Variants in ATP8B2 observed in about 807,000 individuals in gnomAD.
The protein encoded by ATP8B2 is ATPase phospholipid transporting 8B2.
Under a neutral mutation model 133.4 loss-of-function variants are expected in ATP8B2, and 70 were observed. That is an observed-to-expected ratio of 0.52 (90% CI 0.43 to 0.64). The LOEUF (loss-of-function observed/expected upper bound fraction) is 0.64. ATP8B2 is among the 30% of genes least tolerant of loss of function. The pLI, the probability that ATP8B2 is intolerant of heterozygous loss-of-function variation, is 0.00. For synonymous variants in ATP8B2, 517 were observed against 589.5 expected, an observed-to-expected ratio of 0.88 and a Z score of 1.78; for missense variants, 1,101 against 1,535.7, an observed-to-expected ratio of 0.72 and a Z score of 4.73.
chr1:154,348,149 A>G (rs1375482383), intron 26 of ATP8B2, among the ~76,000 whole-genome samples: 1 of 152,184 alleles, frequency 6.6e-6, no homozygotes, highest in African/African-American at 2.4e-5. Flanking sequence ...ATTTGGGGAA[A>G]GGAAACAATA....
In ATP8B2 at chr1:154,338,585, G is replaced by A. The variant is rs913562426; in HGVS notation, c.1034+1041G>A. Among the ~76,000 whole-genome samples the A allele has an allele frequency of 5.3e-5, 8 of 152,204 alleles. No homozygotes were observed. The East Asian group carries it at 5.8e-4, about 11-fold the overall frequency. On this transcript the variant is annotated intron_variant, in intron 12 of 27. Transcript: ENST00000368489. The stretch of plus-strand genomic sequence containing the variant: ...TAAGGTAGGAGAATCGCTTGAAACC[G>A]GAAGGTGGAGGTAGCAGTGAGCCAA...
Position 154,350,494 on chromosome 1 carries a change from G to A in ATP8B2, c.*1376G>A, listed in dbSNP as rs1686748348. On this transcript the variant is annotated 3_prime_UTR_variant, in exon 28 of 28. Coordinates refer to ENST00000368489, the MANE Select transcript of ATP8B2 (RefSeq NM_001370597.1). The stretch of plus-strand genomic sequence containing the variant: ...TCTACACCCCAGGGCCCTGTGGTGG[G>A]GCTGCAGGGGGAAGCTGTGCACCTG... 1 of 152,378 alleles carries A rather than the reference G, an allele frequency of 6.6e-6. No individual in the cohort carries two copies. Among genetic ancestry groups the A allele is most frequent in the East Asian group, 1.9e-4 (1 of 5,188 alleles). 9.4% of individuals were successfully genotyped at this position (152,378 alleles called of 1,614,324 possible). A position where few individuals can be genotyped will look rare whatever the true frequency, so the allele number is the denominator to read the frequency against.
At chr1:154,337,996 G>T in intron 12 of ATP8B2, 1 of 265,458 alleles carries the variant, frequency 3.8e-6, no homozygotes. Flanking sequence ...GGTGGCCTCT[G>T]CCTTTAGCAG....
chr1:154,349,389 C>A lies in ATP8B2; in HGVS notation c.*271C>A, dbSNP rs531095433. 9.2e-5 allele frequency: 46 copies of A among 501,470 alleles called. No individual in the cohort carries two copies. In the South Asian group the frequency reaches 1.2e-3, roughly 13 times the overall value. The allele number at this position is 501,470 out of a possible 1,614,324, so 31.1% of individuals were successfully genotyped here. A position where few individuals can be genotyped will look rare whatever the true frequency, so the allele number is the denominator to read the frequency against. ...CCCCACTCGGGGACCAGAAGTGGAACCAAAAACAAGAAAAAACTGTGAGAG... is the reference window on the plus strand; with the variant it reads ...CCCCACTCGGGGACCAGAAGTGGAAACAAAAACAAGAAAAAACTGTGAGAG... On this transcript the variant is annotated 3_prime_UTR_variant, in exon 28 of 28. Coordinates refer to ENST00000368489, the MANE Select transcript of ATP8B2 (RefSeq NM_001370597.1).
In ATP8B2 at chr1:154,328,897, G is replaced by A. The variant is rs1570844957; in HGVS notation, c.31+725G>A. The A allele has an allele frequency of 3.1e-6, 4 of 1,272,486 alleles. No homozygotes were observed. The highest frequency in any genetic ancestry group is 4.1e-6 in the Non-Finnish European group (4 of 975,694). 78.8% of individuals were successfully genotyped at this position (1,272,486 alleles called of 1,614,324 possible). Reference sequence around the variant, plus strand: ...TGGGGCTCCCCTCTGAGCGGCTGCGGCTCCTGCACCTCCCCGGGGAGCCGC... The same window carrying A: ...TGGGGCTCCCCTCTGAGCGGCTGCGACTCCTGCACCTCCCCGGGGAGCCGC... On this transcript the variant is annotated intron_variant, in intron 2 of 27. Coordinates refer to ENST00000368489, the MANE Select transcript of ATP8B2 (RefSeq NM_001370597.1). The surrounding 1 kb of genome is among the most constrained non-coding windows in gnomAD (Gnocchi z 4.6).
Position 154,346,581 on chromosome 1 carries a change from T to C in ATP8B2, c.3025-39T>C, listed in dbSNP as rs766493815. On this transcript the variant is annotated intron_variant, in intron 25 of 27. Coordinates refer to ENST00000368489, the MANE Select transcript of ATP8B2 (RefSeq NM_001370597.1). The surrounding 1 kb of genome is among the most constrained non-coding windows in gnomAD (Gnocchi z 4.5). The stretch of plus-strand genomic sequence containing the variant: ...TTCTGTTTCTGGGGGAAGGGGCTTT[T>C]AGGGCGTGCGCCTGCCTGACTATGC... 2.3e-5 allele frequency: 37 copies of C among 1,613,406 alleles called. No individual in the cohort carries two copies. The East Asian group carries it at 3.1e-4, about 14-fold the overall frequency.
intron 13 of ATP8B2, among the ~76,000 whole-genome samples, chr1:154,342,035 G>C (rs1161454594): frequency 6.6e-6 from 1 of 152,138 alleles, no homozygotes; most frequent in Non-Finnish European, 1.5e-5. Flanking sequence ...CTGTGCTGCT[G>C]GGATGGCCTG....
rs149931261 is a variant in ATP8B2 at position 154,348,926 on chromosome 1, C to G, written c.3381C>G (p.Ser1127=). ...RRVGRTGSRR[S]GYAFSHQEGF... is the part of the protein sequence containing the mutation. ...TTGGCCGCACTGGCTCCCGGCGCTCCGGCTATGCCTTCTCCCATCAGGAGG... is the reference window on the plus strand; with the variant it reads ...TTGGCCGCACTGGCTCCCGGCGCTCGGGCTATGCCTTCTCCCATCAGGAGG... Residue 1127 remains serine (S), a synonymous_variant, in exon 28 of 28, where the codon TCC becomes TCG. Transcript: ENST00000368489. 6.2e-7 allele frequency: 1 copy of G among 1,614,080 alleles called. No homozygotes were observed. Among genetic ancestry groups the G allele is most frequent in the Admixed American group, 1.7e-5 (1 of 60,024 alleles).
At chr1:154,335,779 C>T (rs1312294650) in intron 11 of ATP8B2, among the ~76,000 whole-genome samples, 1 of 151,876 alleles carries the variant, frequency 6.6e-6, no homozygotes, top group Non-Finnish European at 1.5e-5. Context: ...GTGGCTCACG[C>T]CTGTAATCCC....
rs1421274110 is a variant in ATP8B2 at position 154,327,369 on chromosome 1, G to C, written c.-37-736G>C. ...GGAAGGCGGAAGCAGGCAGAGGCTTGTCTCACTGGTGCTCCCTAAGCCTGC... is the reference window on the plus strand; with the variant it reads ...GGAAGGCGGAAGCAGGCAGAGGCTTCTCTCACTGGTGCTCCCTAAGCCTGC... On this transcript the variant is annotated intron_variant, in intron 1 of 27. Transcript: ENST00000368489. Among the ~76,000 whole-genome samples, 3 of 142,990 alleles carry C rather than the reference G, an allele frequency of 2.1e-5. No individual in the cohort carries two copies. In the East Asian group the frequency reaches 6.8e-4, roughly 32 times the overall value. 93.8% of individuals were successfully genotyped at this position (142,990 alleles called of 152,430 possible).
At chr1:154,330,782 G>C (rs1367983846) in intron 3 of ATP8B2, 33 bp from the exon 4 acceptor site, 4 of 1,577,592 alleles carry the variant, frequency 2.5e-6, no homozygotes, top group East Asian at 4.5e-5. Flanking sequence ...TGGGACTGGA[G>C]ACTGCTCATT....
In ATP8B2 at chr1:154,345,947, G is replaced by A; in HGVS notation, c.2778+64G>A. Reference sequence around the variant, plus strand: ...GGTCACTGCTTGAAGGAGTCACATAGACGTGGTGTGTGACACTTGTGCCCA... The same window carrying A: ...GGTCACTGCTTGAAGGAGTCACATAAACGTGGTGTGTGACACTTGTGCCCA... On this transcript the variant is annotated intron_variant, in intron 24 of 27. Coordinates refer to ENST00000368489, the MANE Select transcript of ATP8B2 (RefSeq NM_001370597.1). The surrounding 1 kb of genome is among the most constrained non-coding windows in gnomAD (Gnocchi z 5.6). The A allele has an allele frequency of 7.0e-7, 1 of 1,420,316 alleles. No homozygotes were observed. The highest frequency in any genetic ancestry group is 9.9e-7 in the Non-Finnish European group (1 of 1,007,576). The allele number at this position is 1,420,316 out of a possible 1,614,324, so 88.0% of individuals were successfully genotyped here.
Position 154,340,586 on chromosome 1 carries a change from C to G in ATP8B2, c.1035-268C>G, listed in dbSNP as rs764731835. The stretch of plus-strand genomic sequence containing the variant: ...GCCTTGTCTACAGCCCCTTTTCCTC[C>G]TTTGCTGTCTGTCCTGCCCACCCAG... On this transcript the variant is annotated intron_variant, in intron 12 of 27. Transcript: ENST00000368489. The surrounding 1 kb of genome is among the most constrained non-coding windows in gnomAD (Gnocchi z 4.0). The G allele has an allele frequency of 2.0e-6, 1 of 508,016 alleles. No homozygotes were observed. Among genetic ancestry groups the G allele is most frequent in the Non-Finnish European group, 3.7e-6 (1 of 272,726 alleles). 31.5% of individuals were successfully genotyped at this position (508,016 alleles called of 1,614,324 possible).
At chr1:154,338,373 T>C (rs530400979) in intron 12 of ATP8B2, among the ~76,000 whole-genome samples, 45 of 152,276 alleles carry the variant, frequency 3.0e-4, no homozygotes, top group Admixed American at 1.2e-3. Context: ...TTAAAAGTTA[T>C]TGAAAAGACT....
chr1:154,332,803 C>T, intron 9 of ATP8B2, 106 bp downstream of exon 9: 1 of 876,058 alleles, frequency 1.1e-6, no homozygotes, highest in Non-Finnish European at 1.8e-6. Context: ...TGTTATTATG[C>T]AACTCCCTGG....
In ATP8B2 at chr1:154,328,175, A is replaced by G. The variant is rs1463912568; in HGVS notation, c.31+3A>G. On this transcript the variant is annotated splice_donor_region_variant and intron_variant, in intron 2 of 27. Transcript: ENST00000368489. The surrounding 1 kb of genome is among the most constrained non-coding windows in gnomAD (Gnocchi z 4.6). ...GTGTGCAAAAAAGCGCCCCCCAGGT[A>G]AGACAGGCAAGGAGGGGAGATCCCG... The G allele has an allele frequency of 1.2e-6, 2 of 1,613,230 alleles. No homozygotes were observed. The highest frequency in any genetic ancestry group is 2.2e-5 in the South Asian group (2 of 91,054).
At chr1:154,339,931 C>G (rs1256631130) in intron 12 of ATP8B2, among the ~76,000 whole-genome samples, 1 of 152,146 alleles carries the variant, frequency 6.6e-6, no homozygotes, top group East Asian at 1.9e-4. Context: ...CCTGTAATCC[C>G]AGCACTTTGG....
chr1:154,344,112 C>G lies in ATP8B2; in HGVS notation c.1924-31C>G, dbSNP rs747528204. On this transcript the variant is annotated intron_variant, in intron 18 of 27. Transcript: ENST00000368489. This position sits in a 1 kb window ranked among gnomAD's most constrained non-coding sequence, Gnocchi z 4.1. ...GCACGGAGGGCTCATGCCTGCAATT[C>G]TTGTGCCAGGAATCCTTGTGGTATT... 1 of 1,614,204 alleles carries G rather than the reference C, an allele frequency of 6.2e-7. No individual in the cohort carries two copies. Among genetic ancestry groups the G allele is most frequent in the South Asian group, 1.1e-5 (1 of 91,088 alleles).
In ATP8B2 at chr1:154,343,703, T is replaced by C; in HGVS notation, c.1758+135T>C. ...TGATGTGTATATATAGTGAAGTGAT[T>C]ACTACAGTCAGACAACTTAACACAT... On this transcript the variant is annotated intron_variant, in intron 17 of 27. Transcript: ENST00000368489. The surrounding 1 kb of genome is among the most constrained non-coding windows in gnomAD (Gnocchi z 5.8). The C allele has an allele frequency of 4.1e-6, 4 of 984,300 alleles. No individual in the cohort carries two copies. The highest frequency in any genetic ancestry group is 6.0e-6 in the Non-Finnish European group (4 of 662,842). 61.0% of individuals were successfully genotyped at this position (984,300 alleles called of 1,614,324 possible).
Sources: allele counts gnomAD v4.1 joint callset (sites outside exome capture counted in the v4.1 genomes callset), GRCh38; gene constraint gnomAD v4.1.1; non-coding constraint Gnocchi (gnomAD v3.1); transcripts MANE v1.5; gene names NCBI Gene and HGNC (gene_info 2026-07-23, HGNC 2026-07-21).